The following KLF13 variants were observed in gnomAD, a reference collection of about 807,000 sequenced individuals.
KLF13 encodes KLF transcription factor 13.
KLF13 carries 8 observed loss-of-function variants against 16.7 expected under a neutral mutation model. The ratio of observed to expected loss-of-function variants is 0.48; its 90% CI spans 0.28 to 0.87. The LOEUF (loss-of-function observed/expected upper bound fraction) is 0.87. Among genes scored for constraint, KLF13 ranks in the 40% least tolerant of loss-of-function variants. The pLI is 0.10. For missense variants in KLF13, 447 were observed against 452.2 expected (o/e 0.99, Z 0.10); for synonymous variants, 245 against 208.4 (o/e 1.18, Z -1.51).
chr15:31,423,314 A>C (rs1794279812), intron 1 of KLF13, among the ~76,000 whole-genome samples: 1 of 150,952 alleles, frequency 6.6e-6, no homozygotes, highest in African/African-American at 2.4e-5. Flanking sequence ...GCATAGAATA[A>C]CCAGACAGAA....
intron 1 of KLF13, among the ~76,000 whole-genome samples, chr15:31,423,960 A>G (rs1328217230): frequency 6.6e-6 from 1 of 152,206 alleles, no homozygotes; most frequent in African/African-American, 2.4e-5. Context: ...GTGTTTTGAG[A>G]CAAATGCCAA....
At chr15:31,390,145 C>T (rs2039842221), upstream of KLF13, among the ~76,000 whole-genome samples, 1 of 152,102 alleles carries the variant, frequency 6.6e-6, no homozygotes, top group Non-Finnish European at 1.5e-5. Context: ...CAAGACCTCC[C>T]CTGCCCTCTC....
chr15:31,404,911 A>G (rs1356591060), downstream of KLF13, among the ~76,000 whole-genome samples: 1 of 152,156 alleles, frequency 6.6e-6, no homozygotes, highest in Non-Finnish European at 1.5e-5. Context: ...ACTCAGGGGT[A>G]TGGATGGAGA....
At chr15:31,327,858 C>A in intron 1 of KLF13, 69 bp downstream of exon 1, 1 of 1,258,844 alleles carries the variant, frequency 7.9e-7, no homozygotes, top group Non-Finnish European at 1.0e-6. Context: ...ACCACGCCCC[C>A]GGAGTCCCCG....
chr15:31,337,114 G>A (rs1019259034), intron 1 of KLF13, among the ~76,000 whole-genome samples: 14 of 152,276 alleles, frequency 9.2e-5, no homozygotes, highest in South Asian at 2.1e-4. Flanking sequence ...TTGTTTACTC[G>A]TCATTGAAGG....
intron 1 of KLF13, among the ~76,000 whole-genome samples, chr15:31,332,469 C>T (rs2038849577): frequency 6.6e-6 from 1 of 152,196 alleles, no homozygotes; most frequent in South Asian, 2.1e-4. Context: ...AGCCCTGGAG[C>T]AGTAGGATGG....
chr15:31,389,571 G>A (rs1389386043), upstream of KLF13, among the ~76,000 whole-genome samples: 1 of 152,128 alleles, frequency 6.6e-6, no homozygotes, highest in Non-Finnish European at 1.5e-5. Context: ...CTTTACATTA[G>A]CTCTTACTCC....
downstream of KLF13, among the ~76,000 whole-genome samples, chr15:31,379,706 A>G (rs75512808): frequency 0.043 from 6,535 of 152,302 alleles, 476 homozygotes; most frequent in African/African-American, 0.15. Flanking sequence ...GGACCAGGTC[A>G]CAAAGCAGTT....
At chr15:31,339,888 G>A (rs529492591) in intron 1 of KLF13, 12 of 696,554 alleles carry the variant, frequency 1.7e-5, no homozygotes, top group East Asian at 2.7e-5. Flanking sequence ...GCGGGCTCTC[G>A]TGCAGGCCTG....
upstream of KLF13, among the ~76,000 whole-genome samples, chr15:31,392,049 C>T (rs905425822): frequency 1.3e-5 from 2 of 151,934 alleles, no homozygotes; most frequent in African/African-American, 4.8e-5. Flanking sequence ...AGCGGCCAGA[C>T]CCGCCAGCTG....
Position 31,327,198 on chromosome 15 carries a change from GC to G in KLF13, c.-11del. ...ACTCGCAGCAAGAGCACCGCCGCCG[GC>G]CCCAGCCCGCAGCATGGCAGCCGCC... On this transcript the variant is annotated 5_prime_UTR_variant, in exon 1 of 2. Coordinates refer to ENST00000307145, the MANE Select transcript of KLF13 (RefSeq NM_015995.4). 2 of 1,316,826 alleles carry G rather than the reference GC, an allele frequency of 1.5e-6. No individual in the cohort carries two copies. Among genetic ancestry groups the G allele is most frequent in the Non-Finnish European group, 1.9e-6 (2 of 1,034,492 alleles). 81.6% of individuals were successfully genotyped at this position (1,316,826 alleles called of 1,614,324 possible).
chr15:31,341,866 C>A (rs2039028453), intron 1 of KLF13, among the ~76,000 whole-genome samples: 2 of 152,174 alleles, frequency 1.3e-5, no homozygotes, highest in African/African-American at 2.4e-5. Context: ...CTGTATCCTC[C>A]TGGATAAACC....
At chr15:31,327,888 C>T (rs2038747054) in intron 1 of KLF13, 99 bp downstream of exon 1, 2 of 1,159,456 alleles carry the variant, frequency 1.7e-6, no homozygotes, top group South Asian at 8.2e-5. Flanking sequence ...GAGGTGGGGG[C>T]CGGGCGGGCC....
Position 31,372,424 on chromosome 15 carries a change from G to A in KLF13, c.*125G>A. 1.9e-6 allele frequency: 2 copies of A among 1,071,428 alleles called. No homozygotes were observed. Among genetic ancestry groups the A allele is most frequent in the South Asian group, 2.5e-5 (1 of 40,044 alleles). 66.4% of individuals were successfully genotyped at this position (1,071,428 alleles called of 1,614,324 possible). On this transcript the variant is annotated 3_prime_UTR_variant, in exon 2 of 2. Coordinates refer to ENST00000307145, the MANE Select transcript of KLF13 (RefSeq NM_015995.4). Reference sequence around the variant, plus strand: ...CGAAAAAACAATTTTTTTCACCTCAGGTGTCAAAGTAAATTTGTTAAAAAA... The same window carrying A: ...CGAAAAAACAATTTTTTTCACCTCAAGTGTCAAAGTAAATTTGTTAAAAAA...
intron 1 of KLF13, among the ~76,000 whole-genome samples, chr15:31,351,293 A>G (rs1391712924): frequency 6.6e-6 from 1 of 152,238 alleles, no homozygotes; most frequent in Non-Finnish European, 1.5e-5. Context: ...GAGAAACAGG[A>G]AAGTATCAAG....
chr15:31,388,820 C>A (rs1340301043), upstream of KLF13, among the ~76,000 whole-genome samples: 1 of 148,936 alleles, frequency 6.7e-6, no homozygotes, highest in East Asian at 1.9e-4. Flanking sequence ...CCCATTCCCC[C>A]CACACACACC....
chr15:31,364,295 A>G (rs1348038315), intron 1 of KLF13, among the ~76,000 whole-genome samples: 2 of 152,236 alleles, frequency 1.3e-5, no homozygotes, highest in Non-Finnish European at 2.9e-5. Flanking sequence ...GGAGCCACAC[A>G]TTTGCCCAAG....
At chr15:31,388,433 G>T (rs765177827), upstream of KLF13, among the ~76,000 whole-genome samples, 3 of 152,040 alleles carry the variant, frequency 2.0e-5, no homozygotes, top group Non-Finnish European at 4.4e-5. Context: ...CCAACATGGA[G>T]AAACCCTGTC....
At chr15:31,417,463 T>C (rs2040268290) in intron 1 of KLF13, among the ~76,000 whole-genome samples, 1 of 151,802 alleles carries the variant, frequency 6.6e-6, no homozygotes, top group Admixed American at 6.6e-5. Flanking sequence ...CCACTGCACT[T>C]GAGCCTGGGT....
Sources: allele counts gnomAD v4.1 joint callset (sites outside exome capture counted in the v4.1 genomes callset), GRCh38; gene constraint gnomAD v4.1.1; transcripts MANE v1.5; gene names NCBI Gene and HGNC (gene_info 2026-07-23, HGNC 2026-07-21).